Variants in LARS2 observed in about 807,000 individuals in gnomAD.
LARS2 encodes the protein leucine--tRNA ligase, mitochondrial.
Under a neutral mutation model 116.6 loss-of-function variants are expected in LARS2, and 81 were observed. The ratio of observed to expected loss-of-function variants is 0.69; its 90% CI spans 0.58 to 0.84. The LOEUF is 0.84. Ranked by LOEUF, LARS2 falls within the 40% of genes least tolerant of loss-of-function variation. The pLI, the probability that LARS2 is intolerant of heterozygous loss-of-function variation, is 0.00. For synonymous variants in LARS2, 396 were observed against 407.2 expected, an observed-to-expected ratio of 0.97 and a Z score of 0.33; for missense variants, 968 against 1,114.5, an observed-to-expected ratio of 0.87 and a Z score of 1.87.
chr3:45,472,717 A>G (rs1699546799), intron 8 of LARS2, among the ~76,000 whole-genome samples: 2 of 152,188 alleles, frequency 1.3e-5, no homozygotes, highest in Non-Finnish European at 2.9e-5. Context: ...CAGACTGAAT[A>G]TGGACTTGGG....
chr3:45,503,976 T>C (rs1276440045), intron 15 of LARS2, among the ~76,000 whole-genome samples: 2 of 152,088 alleles, frequency 1.3e-5, no homozygotes, highest in East Asian at 1.9e-4. Context: ...TTTATTGATA[T>C]AGTCATTTTA....
chr3:45,513,082 C>A, intron 15 of LARS2, 53 bp from the exon 16 acceptor site: 1 of 1,234,910 alleles, frequency 8.1e-7, no homozygotes, highest in Non-Finnish European at 1.2e-6. Flanking sequence ...GCTGTTTTCT[C>A]AATGCCTCAT....
intron 15 of LARS2, among the ~76,000 whole-genome samples, chr3:45,505,013 G>C (rs556661955): frequency 6.6e-6 from 1 of 151,562 alleles, no homozygotes; most frequent in Admixed American, 6.6e-5. Flanking sequence ...CCTGGGAGGC[G>C]GAGGCTGCAG....
At chr3:45,513,985 C>T (rs1462212664) in intron 16 of LARS2, among the ~76,000 whole-genome samples, 1 of 152,146 alleles carries the variant, frequency 6.6e-6, no homozygotes, top group South Asian at 2.1e-4. Context: ...GCAGGTGGAT[C>T]ACCTGAGGTC....
Position 45,548,738 on chromosome 3 carries a change from C to T in LARS2, c.*1208C>T, listed in dbSNP as rs1021898253. 3.9e-5 allele frequency: 6 copies of T among 152,218 alleles called. No individual in the cohort carries two copies. The highest frequency in any genetic ancestry group is 2.6e-4 in the Admixed American group (4 of 15,282). 9.4% of individuals were successfully genotyped at this position (152,218 alleles called of 1,614,324 possible). On this transcript the variant is annotated 3_prime_UTR_variant, in exon 22 of 22. Coordinates refer to ENST00000645846, the MANE Select transcript of LARS2 (RefSeq NM_015340.4). ...AATGCCAGAAATCTATATATGTTAT[C>T]TGATGCCATTTTTCTGAAGTAGCCT... is the stretch of plus-strand genomic sequence containing the variant.
intron 6 of LARS2, among the ~76,000 whole-genome samples, chr3:45,443,066 C>T (rs548385967): frequency 6.6e-6 from 1 of 152,286 alleles, no homozygotes; most frequent in African/African-American, 2.4e-5. Context: ...TTGTGACAAA[C>T]AAAAATGTCT....
chr3:45,535,773 CACCCACAT>C (rs1559500408), intron 20 of LARS2, among the ~76,000 whole-genome samples: 1 of 81,300 alleles, frequency 1.2e-5, no homozygotes, highest in African/African-American at 3.9e-5. Context: ...CACACCCCCA[CACCCACAT>C]ACACACACAT....
intron 10 of LARS2, among the ~76,000 whole-genome samples, chr3:45,478,533 G>A (rs768849352): frequency 1.3e-4 from 20 of 152,174 alleles, no homozygotes; most frequent in African/African-American, 3.6e-4. Flanking sequence ...TTTAGTACAC[G>A]CAAACAGCAC....
chr3:45,488,536 C>T (rs975209297), intron 11 of LARS2, among the ~76,000 whole-genome samples, 161 bp from the exon 12 acceptor site: 12 of 152,176 alleles, frequency 7.9e-5, no homozygotes, highest in African/African-American at 2.7e-4. Flanking sequence ...TCTCCAAGAC[C>T]GTGTTCCATT....
rs1372643348 is a variant in LARS2 at position 45,516,286 on chromosome 3, C to T, written c.2044+10C>T. ...TTGTGGGATGTGAAAAGTAAGTCAC[C>T]TTCCTCTTCCTGACTTGCTTCCTTT... On this transcript the variant is annotated intron_variant, in intron 17 of 21. Transcript: ENST00000645846. 1.2e-6 allele frequency: 2 copies of T among 1,609,338 alleles called. No individual in the cohort carries two copies. Among genetic ancestry groups the T allele is most frequent in the South Asian group, 2.2e-5 (2 of 90,294 alleles).
intron 20 of LARS2, among the ~76,000 whole-genome samples, chr3:45,538,091 A>G (rs1047707831): frequency 6.6e-6 from 1 of 152,164 alleles, no homozygotes; most frequent in African/African-American, 2.4e-5. Flanking sequence ...AGTGTTAGGT[A>G]TTCTTACTTC....
chr3:45,541,790 C>T (rs1700800310), intron 20 of LARS2, 39 bp from the exon 21 acceptor site: 1 of 1,611,110 alleles, frequency 6.2e-7, no homozygotes, highest in Admixed American at 1.7e-5. Context: ...CCTCCCTGTT[C>T]TTAGAGTGAC....
chr3:45,495,472 C>T (rs989242521), intron 13 of LARS2: 4 of 152,222 alleles, frequency 2.6e-5, no homozygotes, highest in Non-Finnish European at 5.9e-5. Context: ...GGTTTGTCTT[C>T]CTCGAGTCAT....
chr3:45,391,854 C>G (rs1697957981), intron 2 of LARS2, among the ~76,000 whole-genome samples: 1 of 152,184 alleles, frequency 6.6e-6, no homozygotes, highest in South Asian at 2.1e-4. Flanking sequence ...AAAGCTTATT[C>G]TTGTTGTGTA....
At chr3:45,471,806 C>A (rs1391859042) in intron 8 of LARS2, among the ~76,000 whole-genome samples, 5 of 152,234 alleles carry the variant, frequency 3.3e-5, no homozygotes, top group Admixed American at 3.3e-4. Context: ...ACATTTAAGA[C>A]CCCCTACATT....
rs765202647 is a variant in LARS2, at chr3:45,547,551, C to T, written c.*21C>T. The T allele has an allele frequency of 3.8e-6, 6 of 1,582,294 alleles. No individual in the cohort carries two copies. The South Asian group carries it at 7.0e-5, about 18-fold the overall frequency. On this transcript the variant is annotated 3_prime_UTR_variant, in exon 22 of 22. Transcript: ENST00000645846. ...ATTGACAGCCAGGAGGCTGCAGCTA[C>T]CACGAGGGCCTCTGAGGAACCTCCT...
At position 45,490,919 on chromosome 3, in the gene LARS2, T is replaced by C. The variant is rs565620699; in HGVS notation, c.1240-598T>C. Reference sequence around the variant, plus strand: ...TCTATAAAACGGGAGCATTTAAATATAAAAAGAGTGGTCTGGTTCTTCAAG... The same window carrying C: ...TCTATAAAACGGGAGCATTTAAATACAAAAAGAGTGGTCTGGTTCTTCAAG... On this transcript the variant is annotated intron_variant, in intron 12 of 21. Transcript: ENST00000645846. Among the ~76,000 whole-genome samples the C allele has an allele frequency of 5.3e-5, 8 of 152,362 alleles. No individual in the cohort carries two copies. In the South Asian group the frequency reaches 8.3e-4, roughly 16 times the overall value.
chr3:45,437,819 T>TA (rs1258765526), intron 6 of LARS2, among the ~76,000 whole-genome samples: 3 of 150,968 alleles, frequency 2.0e-5, no homozygotes, highest in African/African-American at 7.3e-5. Flanking sequence ...GGGACTGTCC[T>TA]AAGTACTTGG....
intron 14 of LARS2, among the ~76,000 whole-genome samples, chr3:45,496,787 A>G (rs991617053): frequency 1.3e-5 from 2 of 152,264 alleles, no homozygotes; most frequent in African/African-American, 2.4e-5. Context: ...CCACAGATGC[A>G]GCAGCTGGAA....
Sources: gnomAD v4.1 joint callset for allele counts (sites outside exome capture counted in the v4.1 genomes callset) on GRCh38, gnomAD v4.1.1 for gene constraint, MANE v1.5 for transcripts, NCBI Gene and HGNC (gene_info 2026-07-23, HGNC 2026-07-21) for gene names.